Variants in RANBP2 observed in about 807,000 individuals in gnomAD.
RANBP2 encodes the protein RAN binding protein 2.
In RANBP2, 57 loss-of-function variants were observed where a neutral mutation model predicts 303.6. That is an observed-to-expected ratio of 0.19 (90% CI 0.15 to 0.23). The LOEUF (loss-of-function observed/expected upper bound fraction) is 0.23. Among genes scored for constraint, RANBP2 ranks in the 10% least tolerant of loss-of-function variants. The pLI is 1.00. For missense variants in RANBP2, 3,138 were observed against 3,780.8 expected, an observed-to-expected ratio of 0.83 and a Z score of 4.46; for synonymous variants, 1,167 against 1,301.5, an observed-to-expected ratio of 0.90 and a Z score of 2.23.
the RANBP2 span, among the ~76,000 whole-genome samples, chr2:109,069,209 A>G: frequency 5.9e-5 from 9 of 152,342 alleles, no homozygotes; most frequent in East Asian, 1.2e-3. Context: ...ACCCAATAAA[A>G]TAGAGATCAT....
chr2:109,465,755 G>A, the RANBP2 span, among the ~76,000 whole-genome samples: 1 of 152,198 alleles, frequency 6.6e-6, no homozygotes, highest in Non-Finnish European at 1.5e-5. Flanking sequence ...AGGGAACAAA[G>A]AGTCTCACAT....
At chr2:109,475,153 A>G in the RANBP2 span, among the ~76,000 whole-genome samples, 1 of 151,656 alleles carries the variant, frequency 6.6e-6, no homozygotes, top group Admixed American at 6.6e-5. Flanking sequence ...AATTTTTTGT[A>G]TTTTTAGTAG....
the RANBP2 span, among the ~76,000 whole-genome samples, chr2:109,343,744 C>CT: frequency 0.34 from 49,546 of 143,672 alleles, 8,533 homozygotes; most frequent in Middle Eastern, 0.39. Flanking sequence ...CCCTGGTTTC[C>CT]TTTTTTTTTT....
At chr2:109,251,596 A>G in the RANBP2 span, 1 of 1,004,752 alleles carries the variant, frequency 1.0e-6, no homozygotes, top group South Asian at 1.3e-5. Context: ...CAATATTGGA[A>G]TGGTGGTAAT....
chr2:109,242,618 C>T, the RANBP2 span, among the ~76,000 whole-genome samples: 2 of 152,238 alleles, frequency 1.3e-5, no homozygotes, highest in Non-Finnish European at 2.9e-5. Context: ...TTGACTTTTC[C>T]TTACTGGGCT....
At chr2:109,708,651 AAAAT>A in the RANBP2 span, among the ~76,000 whole-genome samples, 5 of 152,174 alleles carry the variant, frequency 3.3e-5, no homozygotes, top group Admixed American at 6.5e-5. Context: ...ACCCTGTCTC[AAAAT>A]AAATAAATTA....
At chr2:109,288,411 G>A in the RANBP2 span, among the ~76,000 whole-genome samples, 1 of 152,248 alleles carries the variant, frequency 6.6e-6, no homozygotes, top group Non-Finnish European at 1.5e-5. Flanking sequence ...GGAGGCATTT[G>A]AATGTGGATA....
At chr2:108,842,653 A>G in the RANBP2 span, among the ~76,000 whole-genome samples, 3 of 152,134 alleles carry the variant, frequency 2.0e-5, no homozygotes, top group African/African-American at 7.2e-5. Flanking sequence ...TCCATAGGGA[A>G]GTGGTCATTA....
chr2:109,613,067 T>C, the RANBP2 span: 5 of 591,332 alleles, frequency 8.5e-6, no homozygotes, highest in South Asian at 4.5e-5. Flanking sequence ...TTTTTAAGAA[T>C]ACACAGGCAT....
chr2:109,249,647 CTCTT>C, the RANBP2 span, among the ~76,000 whole-genome samples: 30 of 130,850 alleles, frequency 2.3e-4, no homozygotes, highest in South Asian at 2.2e-3. Flanking sequence ...CTCTGTTTCT[CTCTT>C]TCTTTCTTTC....
the RANBP2 span, among the ~76,000 whole-genome samples, chr2:109,516,799 G>T: frequency 6.6e-6 from 1 of 152,200 alleles, no homozygotes; most frequent in African/African-American, 2.4e-5. Flanking sequence ...TCTGCTAAAC[G>T]ATGGCTGCAT....
At chr2:109,393,324 T>G in the RANBP2 span, among the ~76,000 whole-genome samples, 15 of 152,190 alleles carry the variant, frequency 9.9e-5, no homozygotes, top group Admixed American at 8.5e-4. Flanking sequence ...TTGCAAACAG[T>G]GTTCTAGAAG....
the RANBP2 span, chr2:108,791,907 T>G: frequency 8.4e-7 from 1 of 1,186,048 alleles, no homozygotes; most frequent in Non-Finnish European, 1.1e-6. Context: ...AGTTTGCATA[T>G]TTCTGTGTTC....
the RANBP2 span, among the ~76,000 whole-genome samples, chr2:109,496,074 G>A: frequency 6.6e-6 from 1 of 152,326 alleles, no homozygotes; most frequent in African/African-American, 2.4e-5. Context: ...GGGGTGGCCA[G>A]CTTTTATTCC....
At chr2:109,316,634 T>A in the RANBP2 span, among the ~76,000 whole-genome samples, 1 of 152,194 alleles carries the variant, frequency 6.6e-6, no homozygotes, top group Non-Finnish European at 1.5e-5. Context: ...CCCGCCCCCA[T>A]GTGCAGCCTT....
At chr2:109,447,377 G>A in the RANBP2 span, among the ~76,000 whole-genome samples, 2 of 152,048 alleles carry the variant, frequency 1.3e-5, no homozygotes, top group African/African-American at 2.4e-5. Context: ...GCTACTTCCC[G>A]TGGCCTCCAA....
At chr2:109,650,538 C>T in the RANBP2 span, among the ~76,000 whole-genome samples, 1 of 152,164 alleles carries the variant, frequency 6.6e-6, no homozygotes, top group East Asian at 1.9e-4. Context: ...GTGCCTCCCA[C>T]AGGACCACTG....
the RANBP2 span, among the ~76,000 whole-genome samples, chr2:109,184,401 A>T: frequency 6.6e-6 from 1 of 152,202 alleles, no homozygotes. Context: ...TTTTCAGGTG[A>T]TGAAAGCAGA....
chr2:109,181,647 C>T, the RANBP2 span, among the ~76,000 whole-genome samples: 2 of 152,174 alleles, frequency 1.3e-5, no homozygotes, highest in Non-Finnish European at 2.9e-5. Context: ...TGCCTGTTGC[C>T]GAACACACCA....
Sources: gnomAD v4.1 joint callset for allele counts (sites outside exome capture counted in the v4.1 genomes callset) on GRCh38, gnomAD v4.1.1 for gene constraint, MANE v1.5 for transcripts, NCBI Gene and HGNC (gene_info 2026-07-23, HGNC 2026-07-21) for gene names.